C4orf54: variants seen among roughly 807,000 people sequenced by gnomAD.
C4orf54 encodes the protein uncharacterized protein C4orf54.
In C4orf54, 67 loss-of-function variants were observed where a neutral mutation model predicts 80.1. That is an observed-to-expected ratio of 0.84 (90% confidence interval 0.69 to 1.03). C4orf54 has a LOEUF of 1.03. C4orf54 is among the 50% of genes least tolerant of loss of function. The pLI is 0.00. For synonymous variants in C4orf54, 1,000 were observed against 917.0 expected, an observed-to-expected ratio of 1.09 and a Z score of -1.64; for missense variants, 2,434 against 2,253.5, an observed-to-expected ratio of 1.08 and a Z score of -1.62.
rs1469655501 is a variant in C4orf54, at chr4:99,649,804, A to G, written c.4845T>C (p.Asp1615=). The part of the protein sequence containing the change: ...PQQTQRKMLL[D]VTTGQYYLVD... ...CCAGATAGTACTGGCCTGTTGTCACATCCAGGAGCATCTTACGCTGGGTCT... is the reference window on the plus strand; with the variant it reads ...CCAGATAGTACTGGCCTGTTGTCACGTCCAGGAGCATCTTACGCTGGGTCT... The change falls in exon 2 of 3, where the codon GAT becomes GAC. Residue 1615 remains aspartate, a synonymous_variant. Coordinates refer to ENST00000511828, the MANE Select transcript of C4orf54 (RefSeq NM_001354435.2). 11 of 1,536,024 alleles carry G rather than the reference A, an allele frequency of 7.2e-6. No individual in the cohort carries two copies. The Admixed American group carries it at 1.2e-4, about 16-fold the overall frequency.
rs1330385584 is a variant in C4orf54, at chr4:99,653,882, T to C, written c.767A>G (p.Gln256Arg). The C allele has an allele frequency of 6.5e-7, 1 of 1,536,316 alleles. No individual in the cohort carries two copies. Among genetic ancestry groups the C allele is most frequent in the Admixed American group, 2.0e-5 (1 of 51,006 alleles). Residue 256 changes from glutamine to arginine, a missense_variant, in exon 2 of 3, where the codon CAG (glutamine) becomes CGG (arginine). Coordinates refer to ENST00000511828, the MANE Select transcript of C4orf54 (RefSeq NM_001354435.2). ...GCCACCCTCTTCAGAGGCAGAGTGC[T>C]GGGATCTAGAGAGTTGGGAGGAGGC... ...NPASSQLSRS[Q>R]HSASEEGGNF...
intron 2 of C4orf54, among the ~76,000 whole-genome samples, chr4:99,646,076 TAAC>T (rs903060261): frequency 1.3e-5 from 2 of 152,074 alleles, no homozygotes; most frequent in African/African-American, 4.8e-5. Context: ...CAGAAAAAGA[TAAC>T]AGCAGCTGTT....
rs757104754 is a variant in C4orf54 at position 99,652,792 on chromosome 4, C to T, written c.1857G>A (p.Ala619=). The T allele has an allele frequency of 6.5e-7, 1 of 1,536,080 alleles. No individual in the cohort carries two copies. Among genetic ancestry groups the T allele is most frequent in the Non-Finnish European group, 8.7e-7 (1 of 1,146,904 alleles). The change falls in exon 2 of 3, where the codon GCG becomes GCA. Residue 619 remains alanine, a synonymous_variant. Transcript: ENST00000511828. ...AGGTCAGGTTACGCACCTCTTTGTC[C>T]GCATCGTCCAGTTCGCTCACGGCAC... ...ASSAVSELDD[A]DKEVRNLTSR...
At position 99,650,829 on chromosome 4, in the gene C4orf54, C is replaced by A; in HGVS notation, c.3820G>T (p.Glu1274Ter). 1.3e-6 allele frequency: 2 copies of A among 1,536,194 alleles called. No homozygotes were observed. Among genetic ancestry groups the A allele is most frequent in the Non-Finnish European group, 1.7e-6 (2 of 1,146,922 alleles). The change falls in exon 2 of 3, where the codon GAG becomes TAG. Residue 1274 changes from glutamate (E) to a stop codon, truncating the protein, a stop_gained. Coordinates refer to ENST00000511828, the MANE Select transcript of C4orf54 (RefSeq NM_001354435.2). LOFTEE classifies it high-confidence loss of function. Reference sequence around the variant, plus strand: ...AAGGGGTCGCTTTTGCGCTTCCACTCGTTCCTGTTGAAGCTGTACAGCTCT... The same window carrying A: ...AAGGGGTCGCTTTTGCGCTTCCACTAGTTCCTGTTGAAGCTGTACAGCTCT... Reference protein sequence around the residue: ...MEELYSFNRNEWKRKSDPLPM... With the variant: ...MEELYSFNRN
In C4orf54 at chr4:99,652,636, A is replaced by AC. The variant is rs1188546254; in HGVS notation, c.2012dup (p.Val672CysfsTer88). 6.5e-7 allele frequency: 1 copy of AC among 1,534,740 alleles called. No individual in the cohort carries two copies. Among genetic ancestry groups the AC allele is most frequent in the African/African-American group, 1.4e-5 (1 of 72,646 alleles). On this transcript the variant is annotated frameshift_variant, in exon 2 of 3. Coordinates refer to ENST00000511828, the MANE Select transcript of C4orf54 (RefSeq NM_001354435.2). LOFTEE classifies it high-confidence loss of function. The stretch of plus-strand genomic sequence containing the variant: ...GGCTCTGCTCCACCCTGGCCCCAAC[A>AC]CCCCCACATTTTAAGTCCAGGAAAG...
rs1249325799 is a variant in C4orf54 at position 99,651,834 on chromosome 4, T to A, written c.2815A>T (p.Ser939Cys). Residue 939 changes from serine (S) to cysteine (C), a missense_variant, in exon 2 of 3, where the codon AGT (serine) becomes TGT (cysteine). Coordinates refer to ENST00000511828, the MANE Select transcript of C4orf54 (RefSeq NM_001354435.2). ...CATGACCGGAACGCACTGTTCTGAC[T>A]ACGGAGGAAGATGCCCTTGACGGTC... Reference protein sequence around the residue: ...SETVKGIFLRSQNSAFRSWKE... With the variant: ...SETVKGIFLRCQNSAFRSWKE... 5 of 1,536,148 alleles carry A rather than the reference T, an allele frequency of 3.3e-6. No homozygotes were observed. The highest frequency in any genetic ancestry group is 4.4e-6 in the Non-Finnish European group (5 of 1,146,902).
At chr4:99,655,743 T>G (rs1726969129) in intron 1 of C4orf54, among the ~76,000 whole-genome samples, 3 of 152,196 alleles carry the variant, frequency 2.0e-5, no homozygotes, top group Admixed American at 6.5e-5. Context: ...TGGAGAACCA[T>G]GATGCTTGAT....
intron 1 of C4orf54, among the ~76,000 whole-genome samples, chr4:99,657,026 G>T (rs1726989514): frequency 6.6e-6 from 1 of 152,220 alleles, no homozygotes; most frequent in South Asian, 2.1e-4. Flanking sequence ...TGTACTCAGG[G>T]ATTAAGGATC....
In C4orf54 at chr4:99,650,027, T is replaced by TC; in HGVS notation, c.4621dup (p.Glu1541GlyfsTer71). On this transcript the variant is annotated frameshift_variant, in exon 2 of 3. Coordinates refer to ENST00000511828, the MANE Select transcript of C4orf54 (RefSeq NM_001354435.2). LOFTEE classifies it low-confidence loss of function (END_TRUNC). Reference sequence around the variant, plus strand: ...TGGCCCTGGGGGGGCAGCTACTGTCTCCCGGGGGTTGTCAGGTTTGGTACG... The same window carrying TC: ...TGGCCCTGGGGGGGCAGCTACTGTCTCCCCGGGGGTTGTCAGGTTTGGTACG... The TC allele has an allele frequency of 6.5e-7, 1 of 1,534,702 alleles. No homozygotes were observed. Among genetic ancestry groups the TC allele is most frequent in the Non-Finnish European group, 8.7e-7 (1 of 1,146,020 alleles).
chr4:99,645,645 T>C (rs899197692), intron 2 of C4orf54, among the ~76,000 whole-genome samples: 2 of 151,952 alleles, frequency 1.3e-5, no homozygotes, highest in African/African-American at 4.8e-5. Flanking sequence ...GGGAAAAACA[T>C]AGCCATGTTC....
rs1192769238 is a variant in C4orf54 at position 99,654,331 on chromosome 4, A to G, written c.318T>C (p.Arg106=). The change falls in exon 2 of 3, where the codon CGT becomes CGC. Residue 106 remains arginine, a synonymous_variant. Transcript: ENST00000511828. The part of the protein sequence containing the change: ...VPTALGPVQI[R]GTLLRATLQP... Reference sequence around the variant, plus strand: ...GCAGAGTTGCCCGAAGCAGGGTCCCACGTATCTGGACTGGCCCCAAGGCTG... The same window carrying G: ...GCAGAGTTGCCCGAAGCAGGGTCCCGCGTATCTGGACTGGCCCCAAGGCTG... The G allele has an allele frequency of 3.6e-6, 5 of 1,398,900 alleles. No homozygotes were observed. The East Asian group carries it at 1.2e-4, about 35-fold the overall frequency. 86.7% of individuals were successfully genotyped at this position (1,398,900 alleles called of 1,614,324 possible). A position where few individuals can be genotyped will look rare whatever the true frequency, so the allele number is the denominator to read the frequency against.
chr4:99,653,973 T>C lies in C4orf54; in HGVS notation c.676A>G (p.Arg226Gly), dbSNP rs1300397318. 2 of 1,536,228 alleles carry C rather than the reference T, an allele frequency of 1.3e-6. No homozygotes were observed. Among genetic ancestry groups the C allele is most frequent in the Non-Finnish European group, 8.7e-7 (1 of 1,146,890 alleles). The change falls in exon 2 of 3, where the codon AGG becomes GGG. Residue 226 changes from arginine to glycine, a missense_variant. Transcript: ENST00000511828. ...GHCPGGQRAS[R>G]SPKEKAQDEP... ...TCTTGGGCTTTCTCCTTTGGGCTCC[T>C]AGAGGCCCTCTGACCCCCAGGGCAG...
chr4:99,649,323 T>A lies in C4orf54; in HGVS notation c.5326A>T (p.Ile1776Phe). The A allele has an allele frequency of 6.5e-7, 1 of 1,535,734 alleles. No homozygotes were observed. The highest frequency in any genetic ancestry group is 8.7e-7 in the Non-Finnish European group (1 of 1,146,656). Residue 1776 changes from isoleucine (I) to phenylalanine (F), a missense_variant, in exon 2 of 3, where the codon ATT (isoleucine) becomes TTT (phenylalanine). By Grantham distance (21) the Ile-to-Phe change is conservative. Transcript: ENST00000511828. ...GTGCCATCAAAGGAAGGGGGAGCAA[T>A]GATCCGTGGCCCCAGGGGCTGCGAA... ...ITSQPLGPRI[I>F]APPSFDGTTM...
At position 99,652,476 on chromosome 4, in the gene C4orf54, C is replaced by T. The variant is rs775188535; in HGVS notation, c.2173G>A (p.Glu725Lys). The T allele has an allele frequency of 2.6e-6, 4 of 1,535,806 alleles. No homozygotes were observed. In the South Asian group the frequency reaches 4.8e-5, roughly 18 times the overall value. Residue 725 changes from glutamate to lysine, a missense_variant, in exon 2 of 3, where the codon GAG becomes AAG. Glu to Lys is a moderately conservative substitution (Grantham distance 56, BLOSUM62 1). Coordinates refer to ENST00000511828, the MANE Select transcript of C4orf54 (RefSeq NM_001354435.2). Reference protein sequence around the residue: ...KALEFVVSKVEGEIKHVETPL... With the variant: ...KALEFVVSKVKGEIKHVETPL... The stretch of plus-strand genomic sequence containing the variant: ...GTCTCCACATGTTTGATTTCCCCCT[C>T]GACTTTGCTGACCACGAACTCCAAG...
rs1430400818 is a variant in C4orf54 at position 99,653,485 on chromosome 4, C to T, written c.1164G>A (p.Leu388=). The T allele has an allele frequency of 8.5e-6, 13 of 1,536,012 alleles. No individual in the cohort carries two copies. Among genetic ancestry groups the T allele is most frequent in the African/African-American group, 1.4e-5 (1 of 73,044 alleles). ...TGTCCTCGAAATCCCAGCGGGAGGC[C>T]AGTCCCACGTCGAAATCCATGTCCT... ...VEQDMDFDVG[L]ASRWDFEDNN... is the part of the protein sequence containing the mutation. Residue 388 remains leucine, a synonymous_variant, in exon 2 of 3, where the codon CTG becomes CTA. Coordinates refer to ENST00000511828, the MANE Select transcript of C4orf54 (RefSeq NM_001354435.2).
chr4:99,644,067 T>G (rs992234755), intron 2 of C4orf54, among the ~76,000 whole-genome samples: 2 of 152,142 alleles, frequency 1.3e-5, no homozygotes, highest in Middle Eastern at 3.4e-3. Flanking sequence ...AACAAAGAAC[T>G]GAGACCAGCG....
At position 99,638,432 on chromosome 4, in the gene C4orf54, G is replaced by A. The variant is rs968808019; in HGVS notation, c.*2801C>T. 2 of 152,042 alleles carry A rather than the reference G, an allele frequency of 1.3e-5. No homozygotes were observed. Among genetic ancestry groups the A allele is most frequent in the African/African-American group, 4.8e-5 (2 of 41,394 alleles). The allele number at this position is 152,042 out of a possible 1,614,324, so 9.4% of individuals were successfully genotyped here. A position where few individuals can be genotyped will look rare whatever the true frequency, so the allele number is the denominator to read the frequency against. The stretch of plus-strand genomic sequence containing the variant: ...TCAACAAGTAAAAAGTGGATCTTCT[G>A]GAAAACTAAGCCACACATATAACCC... On this transcript the variant is annotated 3_prime_UTR_variant, in exon 3 of 3. Transcript: ENST00000511828.
At chr4:99,644,102 A>G (rs1726656723) in intron 2 of C4orf54, among the ~76,000 whole-genome samples, 1 of 152,140 alleles carries the variant, frequency 6.6e-6, no homozygotes, top group African/African-American at 2.4e-5. Context: ...CAAATAAATG[A>G]GCAAGGGGGT....
In C4orf54 at chr4:99,649,861, G is replaced by T. The variant is rs1042854902; in HGVS notation, c.4788C>A (p.Pro1596=). The change falls in exon 2 of 3, where the codon CCC becomes CCA. Residue 1596 remains proline (P), a synonymous_variant. Transcript: ENST00000511828. ...APAPAASAPV[P]TDPFQQAQPQ... Reference sequence around the variant, plus strand: ...GCTGTGCCTGCTGGAAGGGGTCTGTGGGGACGGGAGCTGAGGCTGCAGGTG... The same window carrying T: ...GCTGTGCCTGCTGGAAGGGGTCTGTTGGGACGGGAGCTGAGGCTGCAGGTG... The T allele has an allele frequency of 6.5e-7, 1 of 1,533,060 alleles. No homozygotes were observed. Among genetic ancestry groups the T allele is most frequent in the Admixed American group, 2.0e-5 (1 of 50,952 alleles). 95.0% of individuals were successfully genotyped at this position (1,533,060 alleles called of 1,614,324 possible). A position where few individuals can be genotyped will look rare whatever the true frequency, so the allele number is the denominator to read the frequency against.
Sources: gnomAD v4.1 joint callset for allele counts (sites outside exome capture counted in the v4.1 genomes callset) on GRCh38, gnomAD v4.1.1 for gene constraint, MANE v1.5 for transcripts, NCBI Gene and HGNC (gene_info 2026-07-23, HGNC 2026-07-21) for gene names.